AKT3: variants seen among roughly 807,000 people sequenced by gnomAD.
AKT3 encodes the protein AKT serine/threonine kinase 3.
Under a neutral mutation model 65.3 loss-of-function variants are expected in AKT3, and 15 were observed. The ratio of observed to expected loss-of-function variants is 0.23; its 90% CI spans 0.15 to 0.35. The LOEUF is 0.35. Among genes scored for constraint, AKT3 ranks in the 10% least tolerant of loss-of-function variants. AKT3 has a pLI of 1.00. For missense variants in AKT3, 243 were observed against 576.5 expected, an observed-to-expected ratio of 0.42 and a Z score of 5.92; for synonymous variants, 206 against 183.8, an observed-to-expected ratio of 1.12 and a Z score of -0.98.
At chr1:243,488,502 A>G in intron 13 of AKT3, 1 of 194,596 alleles carries the variant, frequency 5.1e-6, no homozygotes, top group South Asian at 9.8e-5. Flanking sequence ...TCTGGAGAGG[A>G]GCGCCCATCA....
chr1:243,820,408 A>T (rs1342295869), intron 2 of AKT3, among the ~76,000 whole-genome samples: 2 of 152,198 alleles, frequency 1.3e-5, no homozygotes, highest in Admixed American at 6.5e-5. Context: ...CCTCCAAATG[A>T]TCACAACATC....
intron 12 of AKT3, among the ~76,000 whole-genome samples, chr1:243,521,876 T>C (rs1273866518): frequency 6.6e-6 from 1 of 152,252 alleles, no homozygotes; most frequent in African/African-American, 2.4e-5. Context: ...TATTTTCTTT[T>C]CTGTGATAAA....
intron 2 of AKT3, among the ~76,000 whole-genome samples, chr1:243,824,286 A>G (rs1694028428): frequency 6.6e-6 from 1 of 152,208 alleles, no homozygotes; most frequent in Non-Finnish European, 1.5e-5. Flanking sequence ...CTTAAACATA[A>G]AACCCAAAAC....
chr1:243,798,133 C>CGGCCTCCCAAAGTGCTGGGATTACA lies in AKT3; in HGVS notation c.46+44967_46+44991dup, dbSNP rs577651395. ...TCCTGACCTCGTGATCCGCCTGCCTCGGCCTCCCAAAGTGCTGGGATTACA... is the reference window on the plus strand; with the variant it reads ...TCCTGACCTCGTGATCCGCCTGCCTCGGCCTCCCAAAGTGCTGGGATTACAGGCCTCCCAAAGTGCTGGGATTACA... On this transcript the variant is annotated intron_variant, in intron 2 of 13. Coordinates refer to ENST00000673466, the MANE Select transcript of AKT3 (RefSeq NM_005465.7). Among the ~76,000 whole-genome samples the CGGCCTCCCAAAGTGCTGGGATTACA allele has an allele frequency of 3.0e-3, 449 of 150,634 alleles. 2 individuals are homozygous for CGGCCTCCCAAAGTGCTGGGATTACA. The highest frequency in any genetic ancestry group is 0.01 in the African/African-American group (426 of 40,894).
At chr1:243,755,235 A>ATT (rs71983026) in intron 2 of AKT3, among the ~76,000 whole-genome samples, 4 of 136,752 alleles carry the variant, frequency 2.9e-5, no homozygotes, top group Admixed American at 7.3e-5. Flanking sequence ...CGCCTGGTTA[A>ATT]TTTTTTTTTT....
intron 13 of AKT3, 62 bp from the exon 14 acceptor site, chr1:243,505,396 T>C: frequency 3.5e-6 from 5 of 1,438,066 alleles, no homozygotes; most frequent in Non-Finnish European, 4.9e-6. Context: ...TTATCTCTAG[T>C]CTATGTTTTT....
intron 2 of AKT3, among the ~76,000 whole-genome samples, chr1:243,838,177 T>C (rs1346670162): frequency 6.6e-6 from 1 of 152,166 alleles, no homozygotes; most frequent in Non-Finnish European, 1.5e-5. Flanking sequence ...GGTTGAAACT[T>C]TCAAAAATAA....
intron 12 of AKT3, among the ~76,000 whole-genome samples, chr1:243,512,743 T>C (rs1670097614): frequency 1.3e-5 from 2 of 152,154 alleles, no homozygotes; most frequent in Admixed American, 1.3e-4. Flanking sequence ...CAAAACCATA[T>C]TGATGGGGAG....
chr1:243,621,209 G>A (rs111395819), intron 6 of AKT3, among the ~76,000 whole-genome samples: 5 of 152,260 alleles, frequency 3.3e-5, no homozygotes, highest in Admixed American at 1.3e-4. Context: ...CCAAGCACAG[G>A]AGCTTTTCAT....
intron 2 of AKT3, among the ~76,000 whole-genome samples, chr1:243,698,520 T>C (rs1052131788): frequency 3.9e-5 from 6 of 152,104 alleles, no homozygotes; most frequent in Non-Finnish European, 7.4e-5. Context: ...ATCTTTTTTA[T>C]TAAGCAGATT....
chr1:243,641,517 A>C (rs1442615743), intron 5 of AKT3, among the ~76,000 whole-genome samples: 1 of 152,050 alleles, frequency 6.6e-6, no homozygotes, highest in Non-Finnish European at 1.5e-5. Context: ...ATTAAATATC[A>C]TAGAAAATGA....
intron 1 of AKT3, among the ~76,000 whole-genome samples, chr1:243,848,002 T>C (rs1479112677): frequency 1.3e-5 from 2 of 152,184 alleles, no homozygotes; most frequent in East Asian, 1.9e-4. Context: ...TTCACAATTT[T>C]TGCAGGATTA....
intron 2 of AKT3, among the ~76,000 whole-genome samples, chr1:243,741,504 G>A (rs1688152628): frequency 6.6e-6 from 1 of 152,114 alleles, no homozygotes; most frequent in Non-Finnish European, 1.5e-5. Context: ...TAAAGAGAGG[G>A]AATCAAGATT....
intron 6 of AKT3, among the ~76,000 whole-genome samples, chr1:243,630,246 C>A (rs1475333571): frequency 3.3e-5 from 5 of 152,164 alleles, no homozygotes; most frequent in Non-Finnish European, 7.4e-5. Flanking sequence ...TCAACCAGTG[C>A]AGTATCAAGT....
chr1:243,632,061 C>A (rs2147793137), intron 6 of AKT3, among the ~76,000 whole-genome samples: 1 of 152,256 alleles, frequency 6.6e-6, no homozygotes, highest in African/African-American at 2.4e-5. Flanking sequence ...ATATTCTGAC[C>A]TCCTTCCATG....
chr1:243,511,603 C>T (rs1390962047), intron 13 of AKT3, among the ~76,000 whole-genome samples: 1 of 152,120 alleles, frequency 6.6e-6, no homozygotes, highest in African/African-American at 2.4e-5. Context: ...CAAATATTGC[C>T]CTGAAACGCA....
chr1:243,606,828 C>G (rs954419833), intron 8 of AKT3, among the ~76,000 whole-genome samples: 11 of 152,214 alleles, frequency 7.2e-5, no homozygotes, highest in Non-Finnish European at 1.5e-4. Context: ...AAAGCAGGGC[C>G]CCCCAACCCG....
Position 243,604,044 on chromosome 1 carries a change from C to T in AKT3, c.696+9627G>A, listed in dbSNP as rs1027891830. Among the ~76,000 whole-genome samples the T allele has an allele frequency of 1.3e-4, 19 of 151,812 alleles. No homozygotes were observed. In the East Asian group the frequency reaches 2.3e-3, roughly 19 times the overall value. On this transcript the variant is annotated intron_variant, in intron 8 of 13. Transcript: ENST00000673466. Reference sequence around the variant, plus strand: ...CCAAGTAGCTGGGATTACAGGCATGCGCCACCAGGCCTGGCTAATTTTGTA... The same window carrying T: ...CCAAGTAGCTGGGATTACAGGCATGTGCCACCAGGCCTGGCTAATTTTGTA...
chr1:243,630,784 G>A (rs1679548225), intron 6 of AKT3, among the ~76,000 whole-genome samples: 1 of 151,068 alleles, frequency 6.6e-6, no homozygotes, highest in Non-Finnish European at 1.5e-5. Context: ...TTAAGTCTTC[G>A]GTGCTTTGTC....
Sources: allele counts gnomAD v4.1 joint callset (sites outside exome capture counted in the v4.1 genomes callset), GRCh38; gene constraint gnomAD v4.1.1; transcripts MANE v1.5; gene names NCBI Gene and HGNC (gene_info 2026-07-23, HGNC 2026-07-21).